Variants in MMP26 observed in about 807,000 individuals in gnomAD.
MMP26 encodes the protein matrix metalloproteinase-26.
In MMP26, 33 loss-of-function variants were observed where a neutral mutation model predicts 31.0. That is an observed-to-expected ratio of 1.06 (90% CI 0.81 to 1.42). The LOEUF (loss-of-function observed/expected upper bound fraction) is 1.42, where lower values mean the gene tolerates loss of function less well. MMP26 is among the 40% of genes most tolerant of loss of function. The pLI is 0.00. For missense variants in MMP26, 347 were observed against 316.1 expected, an observed-to-expected ratio of 1.10 and a Z score of -0.74; for synonymous variants, 122 against 114.9, an observed-to-expected ratio of 1.06 and a Z score of -0.40.
At chr11:4,732,541 CAAAAAAAAA>C (rs56079183) in intron 1 of MMP26, among the ~76,000 whole-genome samples, 3 of 94,672 alleles carry the variant, frequency 3.2e-5, no homozygotes, top group Admixed American at 1.1e-4. Flanking sequence ...AGACTCGTCT[CAAAAAAAAA>C]AAAAAAAAAA....
chr11:4,855,363 G>C (rs532015790), intron 2 of MMP26, among the ~76,000 whole-genome samples: 1 of 152,270 alleles, frequency 6.6e-6, no homozygotes, highest in East Asian at 1.9e-4. Flanking sequence ...AAACAGCATA[G>C]AGAAGACCTT....
chr11:4,708,741 C>G (rs1392145920), intron 1 of MMP26, among the ~76,000 whole-genome samples: 1 of 152,174 alleles, frequency 6.6e-6, no homozygotes, highest in Non-Finnish European at 1.5e-5. Context: ...TTCCCCCAGC[C>G]AATCTATTCT....
intron 1 of MMP26, chr11:4,722,649 C>T (rs1027161200): frequency 7.6e-6 from 5 of 657,160 alleles, no homozygotes; most frequent in Non-Finnish European, 1.4e-5. Flanking sequence ...GTCCCCTGTT[C>T]CCTGTGCTAC....
At chr11:4,795,802 G>GT (rs1849098578) in intron 2 of MMP26, among the ~76,000 whole-genome samples, 4 of 151,858 alleles carry the variant, frequency 2.6e-5, no homozygotes, top group African/African-American at 9.7e-5. Context: ...AAGATGGTGG[G>GT]AGAGGACGAA....
intron 2 of MMP26, chr11:4,794,289 A>G (rs1212627328): frequency 6.6e-6 from 1 of 152,134 alleles, no homozygotes; most frequent in Non-Finnish European, 1.5e-5. Flanking sequence ...ACCTGTCCAA[A>G]CCCAAAGAAT....
chr11:4,907,662 T>C lies in MMP26; in HGVS notation c.-144-80406T>C, dbSNP rs371441139. ...ATGGGAATTTCACCTAATGCCTGCT[T>C]TGCTCAAGAATTCTTCATTCATGGA... On this transcript the variant is annotated intron_variant, in intron 2 of 7. Transcript: ENST00000380390. 54 of 1,614,004 alleles carry C rather than the reference T, an allele frequency of 3.3e-5. 1 individual carries two copies. Among genetic ancestry groups the C allele is most frequent in the South Asian group, 1.9e-4 (17 of 91,084 alleles).
intron 2 of MMP26, among the ~76,000 whole-genome samples, chr11:4,867,511 C>T (rs1409476406): frequency 1.1e-4 from 17 of 151,658 alleles, no homozygotes; most frequent in Non-Finnish European, 2.4e-4. Flanking sequence ...CTGCCTCAGC[C>T]TCCTGAGTAG....
At position 4,964,567 on chromosome 11, in the gene MMP26, G is replaced by A. The variant is rs186394551; in HGVS notation, c.-144-23501G>A. Among the ~76,000 whole-genome samples the A allele has an allele frequency of 2.1e-3, 315 of 151,972 alleles. 1 individual carries two copies. The highest frequency in any genetic ancestry group is 4.3e-3 in the Admixed American group (66 of 15,252). Reference sequence around the variant, plus strand: ...GTTCAACCCAGCAATCCCATTACTCGGTATATACCTAAAGGAATATAAATT... The same window carrying A: ...GTTCAACCCAGCAATCCCATTACTCAGTATATACCTAAAGGAATATAAATT... On this transcript the variant is annotated intron_variant, in intron 2 of 7. Transcript: ENST00000380390.
Position 4,960,565 on chromosome 11 carries a change from T to C in MMP26, c.-144-27503T>C, listed in dbSNP as rs1485556096. Among the ~76,000 whole-genome samples, 3 of 148,202 alleles carry C rather than the reference T, an allele frequency of 2.0e-5. No individual in the cohort carries two copies. The East Asian group carries it at 6.1e-4, about 30-fold the overall frequency. ...ACACATATACCATAAAACTTCCTTT[T>C]TCCATACTATTGCTTCAGAGGGTGA... On this transcript the variant is annotated intron_variant, in intron 2 of 7. Coordinates refer to ENST00000380390, the MANE Select transcript of MMP26 (RefSeq NM_021801.5).
At chr11:4,922,286 C>G (rs959963040) in intron 2 of MMP26, among the ~76,000 whole-genome samples, 1 of 152,150 alleles carries the variant, frequency 6.6e-6, no homozygotes, top group African/African-American at 2.4e-5. Flanking sequence ...TTTCTGGAAT[C>G]TAGAGTCAAG....
intron 2 of MMP26, among the ~76,000 whole-genome samples, chr11:4,796,256 G>A (rs1295716311): frequency 1.3e-5 from 2 of 151,980 alleles, no homozygotes; most frequent in African/African-American, 4.8e-5. Context: ...TTTCCTTTCC[G>A]TGTTTATCAA....
At chr11:4,964,269 T>C (rs892508145) in intron 2 of MMP26, among the ~76,000 whole-genome samples, 2 of 152,212 alleles carry the variant, frequency 1.3e-5, no homozygotes, top group Admixed American at 6.5e-5. Context: ...CTTTAATCCA[T>C]CTTGAGTTGA....
chr11:4,748,939 G>A (rs1848414447), intron 1 of MMP26, among the ~76,000 whole-genome samples: 1 of 151,968 alleles, frequency 6.6e-6, no homozygotes, highest in Non-Finnish European at 1.5e-5. Flanking sequence ...GGAAGTCCTA[G>A]TCAGAGCAAT....
intron 2 of MMP26, chr11:4,919,228 C>T (rs116324738): frequency 0.014 from 2,106 of 152,402 alleles, 52 homozygotes; most frequent in African/African-American, 0.048. Flanking sequence ...GTCCCTTCTA[C>T]CATTTCTCTC....
chr11:4,835,084 G>A (rs962486050), intron 2 of MMP26, among the ~76,000 whole-genome samples: 5 of 151,812 alleles, frequency 3.3e-5, no homozygotes, highest in African/African-American at 1.2e-4. Flanking sequence ...GTGTGAATAT[G>A]TACTTGTTTT....
At chr11:4,910,368 GT>G (rs1231656124) in intron 2 of MMP26, among the ~76,000 whole-genome samples, 1 of 151,984 alleles carries the variant, frequency 6.6e-6, no homozygotes, top group East Asian at 1.9e-4. Flanking sequence ...CTATGTTAAG[GT>G]TTTGAATCTT....
chr11:4,721,951 G>C (rs1848018579), intron 1 of MMP26, among the ~76,000 whole-genome samples: 1 of 152,174 alleles, frequency 6.6e-6, no homozygotes. Flanking sequence ...TTGTGATACT[G>C]TTTGGATCTC....
intron 2 of MMP26, chr11:4,803,939 C>A: frequency 3.7e-6 from 6 of 1,613,338 alleles, no homozygotes; most frequent in Non-Finnish European, 5.1e-6. Flanking sequence ...ACGATGGTCC[C>A]CAGTTTGATC....
At chr11:4,920,031 A>G (rs930647341) in intron 2 of MMP26, among the ~76,000 whole-genome samples, 1 of 152,028 alleles carries the variant, frequency 6.6e-6, no homozygotes, top group Non-Finnish European at 1.5e-5. Context: ...AGGAGTTTTT[A>G]TGTGATTACA....
Sources: allele counts gnomAD v4.1 joint callset (sites outside exome capture counted in the v4.1 genomes callset), GRCh38; gene constraint gnomAD v4.1.1; transcripts MANE v1.5; gene names NCBI Gene and HGNC (gene_info 2026-07-23, HGNC 2026-07-21).